Variants in FAIM2 observed in about 807,000 individuals in gnomAD.
The protein encoded by FAIM2 is Fas apoptotic inhibitory molecule 2.
Under a neutral mutation model 47.4 loss-of-function variants are expected in FAIM2, and 27 were observed. The observed-to-expected ratio is 0.57, with a 90% CI of 0.42 to 0.78. FAIM2 has a LOEUF of 0.78. Ranked by LOEUF, FAIM2 falls within the 30% of genes least tolerant of loss-of-function variation. The pLI, the probability that FAIM2 is intolerant of heterozygous loss-of-function variation, is 0.00. For synonymous variants in FAIM2, 156 were observed against 159.3 expected (o/e 0.98, Z 0.16); for missense variants, 311 against 389.4 (o/e 0.80, Z 1.69).
chr12:49,891,222 G>C, intron 5 of FAIM2, 108 bp from the exon 6 acceptor site: 1 of 1,062,200 alleles, frequency 9.4e-7, no homozygotes, highest in Non-Finnish European at 1.4e-6. Context: ...GGGCAGCCAG[G>C]AGGGACAGGA....
chr12:49,886,166 G>T (rs186995374), intron 11 of FAIM2, among the ~76,000 whole-genome samples: 262 of 152,292 alleles, frequency 1.7e-3, no homozygotes, highest in African/African-American at 5.9e-3. Context: ...ATGCCTTTCC[G>T]AGAGGATGTC....
intron 10 of FAIM2, 45 bp downstream of exon 10, chr12:49,889,062 G>T: frequency 6.8e-7 from 1 of 1,475,008 alleles, no homozygotes; most frequent in Non-Finnish European, 9.3e-7. Context: ...GGCCAGTGGG[G>T]CCCCTCCCTC....
In FAIM2 at chr12:49,898,192, C is replaced by T. The variant is rs573457861; in HGVS notation, c.212-102G>A. 5.7e-4 allele frequency: 317 copies of T among 555,628 alleles called. 3 individuals are homozygous for T. The highest frequency in any genetic ancestry group is 3.6e-3 in the South Asian group (197 of 54,986). 34.4% of individuals were successfully genotyped at this position (555,628 alleles called of 1,614,324 possible). On this transcript the variant is annotated intron_variant, in intron 2 of 11. Coordinates refer to ENST00000320634, the MANE Select transcript of FAIM2 (RefSeq NM_012306.4). ...AAGCTGCCTTTTTGTCAACCTGGCTCTCTGGACCCTGAAGTCTTTCTCTCC... is the reference window on the plus strand; with the variant it reads ...AAGCTGCCTTTTTGTCAACCTGGCTTTCTGGACCCTGAAGTCTTTCTCTCC...
rs1946969454 is a variant in FAIM2 at position 49,899,875 on chromosome 12, A to G, written c.211+1255T>C. Among the ~76,000 whole-genome samples, 5 of 152,242 alleles carry G rather than the reference A, an allele frequency of 3.3e-5. No individual in the cohort carries two copies. In the South Asian group the frequency reaches 1.0e-3, roughly 32 times the overall value. ...GGCACACACTTAGTAAATGTCTGTC[A>G]TAGCTGCCTTCCTGCCTCGACAGTT... On this transcript the variant is annotated intron_variant, in intron 2 of 11. Transcript: ENST00000320634.
chr12:49,901,149 G>A lies in FAIM2; in HGVS notation c.192C>T (p.Ser64=). Residue 64 remains serine, a synonymous_variant, in exon 2 of 12, where the codon AGC becomes AGT. Coordinates refer to ENST00000320634, the MANE Select transcript of FAIM2 (RefSeq NM_012306.4). ...ACTTACTGGGGTCCACATAGGCCCA[G>A]CTAGGGTGGAGAGGCACCGCTGTGG... The part of the protein sequence containing the change: ...PAPTAVPLHP[S]WAYVDPSSSS... 6.2e-7 allele frequency: 1 copy of A among 1,603,076 alleles called. No homozygotes were observed. Among genetic ancestry groups the A allele is most frequent in the Non-Finnish European group, 8.5e-7 (1 of 1,175,822 alleles).
At position 49,867,311 on chromosome 12, in the gene FAIM2, T is replaced by C. The variant is rs2137074007; in HGVS notation, c.*3193A>G. ...CAGCCACTGGAGGGCAGCAAAGTGC[T>C]TATGCAAAAATCCCACCCCGCCCAG... On this transcript the variant is annotated 3_prime_UTR_variant, in exon 12 of 12. Coordinates refer to ENST00000320634, the MANE Select transcript of FAIM2 (RefSeq NM_012306.4). The C allele has an allele frequency of 6.6e-6, 1 of 152,290 alleles. No homozygotes were observed. Among genetic ancestry groups the C allele is most frequent in the East Asian group, 1.9e-4 (1 of 5,166 alleles). The allele number at this position is 152,290 out of a possible 1,614,324, so 9.4% of individuals were successfully genotyped here.
intron 11 of FAIM2, among the ~76,000 whole-genome samples, chr12:49,875,725 A>T (rs531301277): frequency 6.6e-6 from 1 of 152,204 alleles, no homozygotes; most frequent in Non-Finnish European, 1.5e-5. Flanking sequence ...CAGTAATCCC[A>T]GCACTTTGGG....
chr12:49,894,439 G>A (rs1056194078), intron 5 of FAIM2, among the ~76,000 whole-genome samples: 7 of 152,184 alleles, frequency 4.6e-5, no homozygotes, highest in African/African-American at 1.7e-4. Flanking sequence ...ACCAATGGAG[G>A]GAGGCGATGA....
chr12:49,893,345 G>A (rs903317555), intron 5 of FAIM2, among the ~76,000 whole-genome samples: 17 of 151,946 alleles, frequency 1.1e-4, no homozygotes, highest in African/African-American at 3.9e-4. Context: ...AGGACTGACC[G>A]GCAAGGACAC....
rs1206547228 is a variant in FAIM2, at chr12:49,867,339, G to A, written c.*3165C>T. The A allele has an allele frequency of 6.6e-6, 1 of 152,336 alleles. No homozygotes were observed. Among genetic ancestry groups the A allele is most frequent in the Non-Finnish European group, 1.5e-5 (1 of 68,160 alleles). 9.4% of individuals were successfully genotyped at this position (152,336 alleles called of 1,614,324 possible). ...TGCAAAAATCCCACCCCGCCCAGGA[G>A]AGCAGCCAGGACACCTGGGACTTGG... On this transcript the variant is annotated 3_prime_UTR_variant, in exon 12 of 12. Coordinates refer to ENST00000320634, the MANE Select transcript of FAIM2 (RefSeq NM_012306.4).
chr12:49,901,422 G>A (rs1946981719), intron 1 of FAIM2, 97 bp from the exon 2 acceptor site: 4 of 970,766 alleles, frequency 4.1e-6, no homozygotes, highest in Non-Finnish European at 4.4e-6. Flanking sequence ...AACTTTCATG[G>A]TTCCTTCCTT....
chr12:49,889,235 C>T (rs771598269), intron 9 of FAIM2, 33 bp from the exon 10 acceptor site: 22 of 1,543,558 alleles, frequency 1.4e-5, no homozygotes, highest in East Asian at 9.2e-5. Context: ...GCTGCAGGAG[C>T]GGCCTGACCT....
At chr12:49,897,483 A>G (rs537426981) in intron 4 of FAIM2, 36 bp downstream of exon 4, 65 of 1,600,732 alleles carry the variant, frequency 4.1e-5, no homozygotes, top group South Asian at 4.0e-4. Context: ...GGCCATAGTC[A>G]TCCCTGGAAG....
At chr12:49,880,167 T>TCTGTGTGC (rs146657856) in intron 11 of FAIM2, among the ~76,000 whole-genome samples, 7 of 143,414 alleles carry the variant, frequency 4.9e-5, no homozygotes, top group Admixed American at 1.4e-4. Flanking sequence ...TGCATGTGTG[T>TCTGTGTGC]ATGTGTGTGT....
At chr12:49,875,920 A>G (rs1207817107) in intron 11 of FAIM2, among the ~76,000 whole-genome samples, 2 of 152,110 alleles carry the variant, frequency 1.3e-5, no homozygotes, top group Non-Finnish European at 2.9e-5. Context: ...AGGTTCCAGT[A>G]AGCCAAGATC....
At chr12:49,871,338 C>T (rs576723562) in intron 11 of FAIM2, among the ~76,000 whole-genome samples, 29 of 152,320 alleles carry the variant, frequency 1.9e-4, no homozygotes, top group Admixed American at 3.3e-4. Flanking sequence ...TAACAGCACC[C>T]GGGGTTAATG....
chr12:49,884,205 C>A (rs1381970148), intron 11 of FAIM2, among the ~76,000 whole-genome samples: 1 of 145,826 alleles, frequency 6.9e-6, no homozygotes, highest in Non-Finnish European at 1.5e-5. Context: ...GCCTGGGCGA[C>A]ACAGCCAGAC....
In FAIM2 at chr12:49,874,371, C is replaced by CTGA. The variant is rs144899967; in HGVS notation, c.802-3721_802-3719dup. Among the ~76,000 whole-genome samples, 2,886 of 152,274 alleles carry CTGA rather than the reference C, an allele frequency of 0.019. 95 individuals are homozygous for CTGA. The highest frequency in any genetic ancestry group is 0.066 in the African/African-American group (2,739 of 41,524). Reference sequence around the variant, plus strand: ...AGGAGTCTGAGAGCTGAGTGACTTGCTGATGGCTGCTTATCGAGTGCCGTC... The same window carrying CTGA: ...AGGAGTCTGAGAGCTGAGTGACTTGCTGATGATGGCTGCTTATCGAGTGCCGTC... On this transcript the variant is annotated intron_variant, in intron 11 of 11. Coordinates refer to ENST00000320634, the MANE Select transcript of FAIM2 (RefSeq NM_012306.4). This position sits in a 1 kb window ranked among gnomAD's most constrained non-coding sequence, Gnocchi z 4.2.
intron 11 of FAIM2, among the ~76,000 whole-genome samples, chr12:49,886,780 C>T (rs1276661260): frequency 6.6e-6 from 1 of 152,044 alleles, no homozygotes; most frequent in African/African-American, 2.4e-5. Context: ...CCGGCCTCCC[C>T]ATCTTAATTT....
Sources: gnomAD v4.1 joint callset for allele counts (sites outside exome capture counted in the v4.1 genomes callset) on GRCh38, gnomAD v4.1.1 for gene constraint, Gnocchi (gnomAD v3.1) non-coding constraint, MANE v1.5 for transcripts, NCBI Gene and HGNC (gene_info 2026-07-23, HGNC 2026-07-21) for gene names.